PIK3AP1: variants seen among roughly 807,000 people sequenced by gnomAD.
The protein encoded by PIK3AP1 is phosphoinositide 3-kinase adapter protein 1.
A neutral mutation model predicts 88.1 loss-of-function variants in PIK3AP1; 21 were observed. The ratio of observed to expected loss-of-function variants is 0.24; its 90% CI spans 0.17 to 0.34. The LOEUF (loss-of-function observed/expected upper bound fraction) is 0.34. Among genes scored for constraint, PIK3AP1 ranks in the 10% least tolerant of loss-of-function variants. The pLI is 1.00. For synonymous variants in PIK3AP1, 398 were observed against 400.0 expected, an observed-to-expected ratio of 1.00 and a Z score of 0.06; for missense variants, 828 against 1,035.7, an observed-to-expected ratio of 0.80 and a Z score of 2.75.
chr10:96,709,725 G>C lies in PIK3AP1; in HGVS notation c.272C>G (p.Ala91Gly). The part of the protein sequence containing the change: ...KPALLPLLQR[A>G]FHPPHRVVRL... ...GACCACGCGGTGCGGAGGATGGAAA[G>C]CTCTCTGCAGCAGGGGCAGCAAGGC... is the stretch of plus-strand genomic sequence containing the variant. The change falls in exon 2 of 17, where the codon GCT (alanine) becomes GGT (glycine). Residue 91 changes from alanine (A) to glycine (G), a missense_variant. Ala to Gly is a moderately conservative substitution (Grantham distance 60). Around this residue, in one of 3 missense-constraint regions of PIK3AP1, gnomAD observed 610 missense variants for 760.1 expected, o/e 0.80. Transcript: ENST00000339364. 1 of 1,614,196 alleles carries C rather than the reference G, an allele frequency of 6.2e-7. No individual in the cohort carries two copies. Among genetic ancestry groups the C allele is most frequent in the South Asian group, 1.1e-5 (1 of 91,078 alleles).
At chr10:96,599,371 T>A (rs1279620735) in intron 16 of PIK3AP1, among the ~76,000 whole-genome samples, 8 of 152,028 alleles carry the variant, frequency 5.3e-5, no homozygotes, top group African/African-American at 1.9e-4. Context: ...TGAATGAAGA[T>A]CCCCAGTCAA....
chr10:96,709,974 C>G lies in PIK3AP1; in HGVS notation c.23G>C (p.Arg8Thr). The G allele has an allele frequency of 6.3e-7, 1 of 1,583,220 alleles. No individual in the cohort carries two copies. The highest frequency in any genetic ancestry group is 1.3e-5 in the African/African-American group (1 of 74,554). Residue 8 changes from arginine (R) to threonine (T), a missense_variant, in exon 2 of 17, where the codon AGA (arginine) becomes ACA (threonine). This residue lies in a region of PIK3AP1 where 610 missense variants were observed against 760.1 expected (regional missense o/e 0.80). Transcript: ENST00000339364. ...GTAGACGATGAGGATGTCGCATCCT[C>G]TGGGCACCCCTGGACAAGAATGAGG... Reference protein sequence around the residue: MAASGVPRGCDILIVYSP... With the variant: MAASGVPTGCDILIVYSP...
At chr10:96,686,459 G>A (rs1844069738) in intron 2 of PIK3AP1, among the ~76,000 whole-genome samples, 2 of 152,202 alleles carry the variant, frequency 1.3e-5, no homozygotes, top group Admixed American at 6.5e-5. Context: ...CCGCAAATGA[G>A]CTCCACAGGA....
At chr10:96,706,794 C>T (rs564538937) in intron 2 of PIK3AP1, among the ~76,000 whole-genome samples, 3 of 152,282 alleles carry the variant, frequency 2.0e-5, no homozygotes, top group South Asian at 4.1e-4. Flanking sequence ...CAAAAAAAAT[C>T]AGGAATATGG....
chr10:96,702,815 A>AT, intron 2 of PIK3AP1, among the ~76,000 whole-genome samples: 1 of 152,322 alleles, frequency 6.6e-6, no homozygotes, highest in South Asian at 2.1e-4. Flanking sequence ...TAATTAGTTA[A>AT]TTAACTTAGG....
At chr10:96,614,085 T>G (rs1849172214) in intron 13 of PIK3AP1, among the ~76,000 whole-genome samples, 1 of 151,988 alleles carries the variant, frequency 6.6e-6, no homozygotes, top group Non-Finnish European at 1.5e-5. Flanking sequence ...CTTCAGTATC[T>G]CCAGTGGCAC....
intron 8 of PIK3AP1, among the ~76,000 whole-genome samples, chr10:96,635,610 G>A (rs543588715): frequency 4.8e-4 from 73 of 152,234 alleles, no homozygotes; most frequent in African/African-American, 1.8e-3. Context: ...TGGCCAACTG[G>A]GGCCAGTATT....
chr10:96,688,620 G>A (rs1395176471), intron 2 of PIK3AP1, among the ~76,000 whole-genome samples: 1 of 152,084 alleles, frequency 6.6e-6, no homozygotes, highest in African/African-American at 2.4e-5. Flanking sequence ...CCAACATGGT[G>A]AAATCCCATC....
At chr10:96,713,627 T>G (rs1431295844) in intron 1 of PIK3AP1, among the ~76,000 whole-genome samples, 1 of 152,034 alleles carries the variant, frequency 6.6e-6, no homozygotes, top group African/African-American at 2.4e-5. Context: ...GCTTGGGTTT[T>G]GGGGCACTGA....
At chr10:96,719,973 C>G (rs1385353827) in intron 1 of PIK3AP1, among the ~76,000 whole-genome samples, 1 of 152,216 alleles carries the variant, frequency 6.6e-6, no homozygotes, top group African/African-American at 2.4e-5. Context: ...CCTGAGCGCC[C>G]CCTGTGGGTC....
At chr10:96,699,941 C>G (rs752799141) in intron 2 of PIK3AP1, among the ~76,000 whole-genome samples, 5 of 152,224 alleles carry the variant, frequency 3.3e-5, no homozygotes, top group Admixed American at 6.5e-5. Context: ...TTCTACTATT[C>G]TCTTCTAGTA....
At chr10:96,678,190 T>C (rs1843951455) in intron 2 of PIK3AP1, among the ~76,000 whole-genome samples, 1 of 152,072 alleles carries the variant, frequency 6.6e-6, no homozygotes, top group African/African-American at 2.4e-5. Flanking sequence ...TCCCAGCACT[T>C]TGGGAGGCCG....
intron 2 of PIK3AP1, among the ~76,000 whole-genome samples, chr10:96,706,135 C>A (rs568946549): frequency 6.6e-6 from 1 of 152,060 alleles, no homozygotes; most frequent in African/African-American, 2.4e-5. Flanking sequence ...CCTCGTGATC[C>A]GCCCGCCTCG....
intron 2 of PIK3AP1, among the ~76,000 whole-genome samples, chr10:96,704,017 A>G (rs1269489168): frequency 6.6e-6 from 1 of 152,224 alleles, no homozygotes; most frequent in African/African-American, 2.4e-5. Context: ...ATATTTTAGT[A>G]GTAATTTTGA....
intron 14 of PIK3AP1, among the ~76,000 whole-genome samples, chr10:96,607,725 G>T (rs1849026310): frequency 6.6e-6 from 1 of 152,164 alleles, no homozygotes; most frequent in Non-Finnish European, 1.5e-5. Context: ...GTGTAGAGAG[G>T]CCCCGGAGGA....
rs1454536388 is a variant in PIK3AP1 at position 96,620,524 on chromosome 10, T to G, written c.1769A>C (p.Gln590Pro). 1.9e-6 allele frequency: 3 copies of G among 1,613,226 alleles called. No homozygotes were observed. The highest frequency in any genetic ancestry group is 2.5e-6 in the Non-Finnish European group (3 of 1,180,012). Residue 590 changes from glutamine (Q) to proline (P), a missense_variant, in exon 12 of 17, where the codon CAG (glutamine) becomes CCG (proline). Transcript: ENST00000339364. Reference sequence around the variant, plus strand: ...CGCAAAAGGGTCATATATACTCGACTGGGGCCTGTCCCTCCATGGTCTGAC... The same window carrying G: ...CGCAAAAGGGTCATATATACTCGACGGGGGCCTGTCCCTCCATGGTCTGAC... ...PPVRPWRDRP[Q>P]SSIYDPFAGM...
At chr10:96,670,031 C>T (rs1160049211) in intron 2 of PIK3AP1, among the ~76,000 whole-genome samples, 3 of 151,438 alleles carry the variant, frequency 2.0e-5, no homozygotes, top group Non-Finnish European at 4.4e-5. Flanking sequence ...AAAAATTAGC[C>T]GGGCGTGGTG....
In PIK3AP1 at chr10:96,691,022, T is replaced by A. The variant is rs932170113; in HGVS notation, c.430+18545A>T. Reference sequence around the variant, plus strand: ...GAAGTGAAGAGGTAACTCCAGGGAGTTCCAGTCCTTGGCTCCAGGTATCTC... The same window carrying A: ...GAAGTGAAGAGGTAACTCCAGGGAGATCCAGTCCTTGGCTCCAGGTATCTC... On this transcript the variant is annotated intron_variant, in intron 2 of 16. Coordinates refer to ENST00000339364, the MANE Select transcript of PIK3AP1 (RefSeq NM_152309.3). 2.0e-5 allele frequency among the ~76,000 whole-genome samples: 3 copies of A among 151,786 alleles called. No individual in the cohort carries two copies. In the South Asian group the frequency reaches 6.2e-4, roughly 32 times the overall value.
intron 2 of PIK3AP1, among the ~76,000 whole-genome samples, chr10:96,696,443 G>A (rs1456810491): frequency 6.6e-6 from 1 of 152,038 alleles, no homozygotes; most frequent in Non-Finnish European, 1.5e-5. Flanking sequence ...TTCTCCAATG[G>A]GCAGATCAAG....
Sources: gnomAD v4.1 joint callset for allele counts (sites outside exome capture counted in the v4.1 genomes callset) on GRCh38, gnomAD v4.1.1 for gene constraint, gnomAD v4.1.1 regional missense constraint, MANE v1.5 for transcripts, NCBI Gene and HGNC (gene_info 2026-07-23, HGNC 2026-07-21) for gene names.